Variants in SCN9A observed in about 807,000 individuals in gnomAD.
SCN9A encodes the protein sodium voltage-gated channel alpha subunit 9.
SCN9A carries 131 observed loss-of-function variants against 187.0 expected under a neutral mutation model. That is an observed-to-expected ratio of 0.70 (90% confidence interval 0.61 to 0.81). The LOEUF is 0.81. Among genes scored for constraint, SCN9A ranks in the 30% least tolerant of loss-of-function variants. The pLI is 0.00. For synonymous variants in SCN9A, 809 were observed against 808.6 expected (o/e 1.00, Z -0.01); for missense variants, 2,252 against 2,396.6 (o/e 0.94, Z 1.26).
rs1408069746 is a variant in SCN9A at position 166,199,255 on chromosome 2, T to G, written c.5384A>C (p.Gln1795Pro). Residue 1795 changes from glutamine (Q) to proline (P), a missense_variant, in exon 27 of 27, where the codon CAG becomes CCG. Physicochemically the swap from Gln to Pro is moderately conservative, Grantham distance 76. This residue lies in a region of SCN9A where 345 missense variants were observed against 344.6 expected (regional missense o/e 1.00). Transcript: ENST00000642356. The stretch of plus-strand genomic sequence containing the variant: ...AGAGAGTTTAGAGAACTCTATAAAC[T>G]GGGTCGCATCGGGATCAAACTTCTC... ...VWEKFDPDAT[Q>P]FIEFSKLSDF... 1.9e-6 allele frequency: 3 copies of G among 1,614,014 alleles called. No individual in the cohort carries two copies. The highest frequency in any genetic ancestry group is 2.5e-6 in the Non-Finnish European group (3 of 1,180,040).
intron 15 of SCN9A, 134 bp from the exon 16 acceptor site, chr2:166,277,473 C>T (rs1176222206): frequency 1.7e-6 from 1 of 594,756 alleles, no homozygotes; most frequent in Non-Finnish European, 2.9e-6. Flanking sequence ...CTAAAATATT[C>T]TTATTTTTCA....
chr2:166,254,952 G>T (rs1696202054), intron 17 of SCN9A, among the ~76,000 whole-genome samples: 1 of 151,368 alleles, frequency 6.6e-6, no homozygotes, highest in African/African-American at 2.4e-5. Flanking sequence ...TGAATAATAT[G>T]ATATTGACTG....
Position 166,195,911 on chromosome 2 carries a change from G to A in SCN9A, c.*2761C>T, listed in dbSNP as rs1558936305. ...AAAAATTTAAATATTAGCCAGGCAT[G>A]GTGGCATGTACCTGTAGTCTTAGCT... On this transcript the variant is annotated 3_prime_UTR_variant, in exon 27 of 27. Coordinates refer to ENST00000642356, the MANE Select transcript of SCN9A (RefSeq NM_001365536.1). The A allele has an allele frequency of 6.6e-6, 1 of 152,170 alleles. No individual in the cohort carries two copies. Among genetic ancestry groups the A allele is most frequent in the South Asian group, 2.1e-4 (1 of 4,824 alleles). 9.4% of individuals were successfully genotyped at this position (152,170 alleles called of 1,614,324 possible).
chr2:166,337,183 C>T (rs766066655), intron 1 of SCN9A, among the ~76,000 whole-genome samples: 48 of 152,042 alleles, frequency 3.2e-4, no homozygotes, highest in Admixed American at 3.9e-4. Context: ...GGCAGTTGAA[C>T]TCGGGATTCC....
chr2:166,374,820 T>G (rs958159147), intron 1 of SCN9A, among the ~76,000 whole-genome samples: 10 of 152,100 alleles, frequency 6.6e-5, no homozygotes, highest in Admixed American at 5.9e-4. Context: ...TGATTTGGCT[T>G]TTATCTTACT....
chr2:166,272,320 T>A lies in SCN9A; in HGVS notation c.3351+79A>T, dbSNP rs73969644. 1.4e-3 allele frequency: 1,334 copies of A among 958,846 alleles called. 14 individuals carry two copies. In the African/African-American group the frequency reaches 0.02, roughly 14 times the overall value. The allele number at this position is 958,846 out of a possible 1,614,324, so 59.4% of individuals were successfully genotyped here. On this transcript the variant is annotated intron_variant, in intron 17 of 26. Transcript: ENST00000642356. ...TACATGCAATGTTAAGAAGAACTTA[T>A]GACAATAGAAATATGAAATTTTCAT...
chr2:166,280,263 G>C, intron 14 of SCN9A, 94 bp downstream of exon 14: 1 of 720,064 alleles, frequency 1.4e-6, no homozygotes, highest in East Asian at 2.7e-5. Flanking sequence ...TAATTCTGAG[G>C]CTGCAGATTC....
At chr2:166,347,003 G>C (rs1699916142) in intron 1 of SCN9A, among the ~76,000 whole-genome samples, 1 of 152,180 alleles carries the variant, frequency 6.6e-6, no homozygotes, top group Non-Finnish European at 1.5e-5. Flanking sequence ...TTGGGACTGG[G>C]AGTGAGTCAT....
intron 6 of SCN9A, 46 bp downstream of exon 6, chr2:166,304,192 G>C: frequency 6.2e-7 from 1 of 1,607,504 alleles, no homozygotes; most frequent in Non-Finnish European, 8.5e-7. Flanking sequence ...CTCCCAAATA[G>C]TTGGAGTTAT....
chr2:166,288,485 T>C lies in SCN9A; in HGVS notation c.1266A>G (p.Glu422=), dbSNP rs13402180. ...NIEEAKQKEL[E]FQQMLDRLKK... is the part of the protein sequence containing the mutation. Reference sequence around the variant, plus strand: ...TAAGACGGTCTAACATCTGTTGAAATTCTAATTCTTTCTGTTTAGCTTCTT... The same window carrying C: ...TAAGACGGTCTAACATCTGTTGAAACTCTAATTCTTTCTGTTTAGCTTCTT... The change falls in exon 10 of 27, where the codon GAA becomes GAG. Residue 422 remains glutamate, a synonymous_variant. Transcript: ENST00000642356. 619,832 of 1,606,194 alleles carry C rather than the reference T, an allele frequency of 0.39. 121,474 individuals are homozygous for C. The highest frequency in any genetic ancestry group is 0.4 in the Non-Finnish European group (465,250 of 1,173,378).
chr2:166,368,256 C>T (rs948412764), intron 1 of SCN9A, among the ~76,000 whole-genome samples: 3 of 152,174 alleles, frequency 2.0e-5, no homozygotes, highest in East Asian at 3.9e-4. Context: ...ATTAAGGAGA[C>T]GTCCATACAT....
intron 16 of SCN9A, among the ~76,000 whole-genome samples, chr2:166,274,866 C>T (rs1391438588): frequency 6.6e-6 from 1 of 152,104 alleles, no homozygotes; most frequent in African/African-American, 2.4e-5. Flanking sequence ...CTTCAAAAAC[C>T]TCCCTTAAGT....
In SCN9A at chr2:166,199,078, C is replaced by T. The variant is rs876661011; in HGVS notation, c.5561G>A (p.Gly1854Glu). Residue 1854 changes from glycine to glutamate, a missense_variant, in exon 27 of 27, where the codon GGG (glycine) becomes GAG (glutamate). Coordinates refer to ENST00000642356, the MANE Select transcript of SCN9A (RefSeq NM_001365536.1). ...AFTKRVLGES[G>E]EMDSLRSQME... ...CTGTGAACGAAGAGAATCCATCTCC[C>T]CACTCTCACCCAAAACACGCTTTGT... 3 of 1,614,064 alleles carry T rather than the reference C, an allele frequency of 1.9e-6. No homozygotes were observed. Among genetic ancestry groups the T allele is most frequent in the Non-Finnish European group, 1.7e-6 (2 of 1,180,016 alleles).
chr2:166,370,997 T>G (rs1700547767), intron 1 of SCN9A, among the ~76,000 whole-genome samples: 1 of 152,234 alleles, frequency 6.6e-6, no homozygotes. Flanking sequence ...TTAAAGAAAT[T>G]TATGATCAGT....
chr2:166,373,556 T>G (rs1199177083), intron 1 of SCN9A, among the ~76,000 whole-genome samples: 1 of 151,946 alleles, frequency 6.6e-6, no homozygotes, highest in African/African-American at 2.4e-5. Context: ...AGAAATAAGT[T>G]TGGGAGATAA....
chr2:166,213,499 A>G (rs1694187240), intron 24 of SCN9A, among the ~76,000 whole-genome samples: 1 of 148,428 alleles, frequency 6.7e-6, no homozygotes, highest in African/African-American at 2.5e-5. Flanking sequence ...TAATAATGAT[A>G]ATGATAGTAA....
intron 1 of SCN9A, among the ~76,000 whole-genome samples, chr2:166,325,698 G>A (rs563983733): frequency 6.6e-6 from 1 of 152,158 alleles, no homozygotes; most frequent in African/African-American, 2.4e-5. Context: ...GGTACAAAAG[G>A]CTGACTTTTG....
chr2:166,347,904 A>T (rs7592978), intron 1 of SCN9A, among the ~76,000 whole-genome samples: 8,755 of 151,594 alleles, frequency 0.058, 741 homozygotes, highest in African/African-American at 0.19. Context: ...ATAAATATTT[A>T]AAAAAAAACA....
At chr2:166,355,895 C>T (rs1700141889) in intron 1 of SCN9A, among the ~76,000 whole-genome samples, 1 of 151,896 alleles carries the variant, frequency 6.6e-6, no homozygotes, top group Non-Finnish European at 1.5e-5. Flanking sequence ...GCCTCAGCCT[C>T]CTGAGTAGCT....
Sources: gnomAD v4.1 joint callset for allele counts (sites outside exome capture counted in the v4.1 genomes callset) on GRCh38, gnomAD v4.1.1 for gene constraint, gnomAD v4.1.1 regional missense constraint, MANE v1.5 for transcripts, NCBI Gene and HGNC (gene_info 2026-07-23, HGNC 2026-07-21) for gene names.